Variants in COL21A1 observed in about 807,000 individuals in gnomAD.
The protein encoded by COL21A1 is collagen type XXI alpha 1 chain.
A neutral mutation model predicts 137.9 loss-of-function variants in COL21A1; 149 were observed. The observed-to-expected ratio is 1.08, with a 90% CI of 0.95 to 1.24. The LOEUF (loss-of-function observed/expected upper bound fraction) is 1.24. COL21A1 is among the 50% of genes most tolerant of loss of function. The probability of loss-of-function intolerance (pLI) is 0.00; values close to 1 mark genes in which losing one functional copy is unlikely to be tolerated. For missense variants in COL21A1, 1,167 were observed against 1,158.4 expected, an observed-to-expected ratio of 1.01 and a Z score of -0.11; for synonymous variants, 456 against 391.5, an observed-to-expected ratio of 1.16 and a Z score of -1.95.
chr6:56,293,906 A>T (rs932355266), intron 1 of COL21A1, among the ~76,000 whole-genome samples: 1 of 152,224 alleles, frequency 6.6e-6, no homozygotes, highest in Non-Finnish European at 1.5e-5. Flanking sequence ...TATTGTATTA[A>T]GTTGCAACTG....
rs1309168972 is a variant in COL21A1, at chr6:56,183,116, C to T, written c.-38-460G>A. 2.0e-5 allele frequency among the ~76,000 whole-genome samples: 3 copies of T among 152,034 alleles called. No homozygotes were observed. The East Asian group carries it at 5.8e-4, about 29-fold the overall frequency. On this transcript the variant is annotated intron_variant, in intron 1 of 29. Coordinates refer to ENST00000244728, the MANE Select transcript of COL21A1 (RefSeq NM_030820.4). ...TTTTAAAATAAGATGTAATTGTAAA[C>T]ATTAAGACCTGTTTTATTTAATTCA...
intron 1 of COL21A1, among the ~76,000 whole-genome samples, chr6:56,343,729 C>A (rs1266379091): frequency 6.6e-6 from 1 of 152,056 alleles, no homozygotes; most frequent in Non-Finnish European, 1.5e-5. Flanking sequence ...TCACTTGAGG[C>A]CAGGAGTTGG....
rs771422670 is a variant in COL21A1 at position 56,179,913 on chromosome 6, G to A, written c.305C>T (p.Ala102Val). ...GSYDSGEHLT[A>V]AVESILYLGG... Reference sequence around the variant, plus strand: ...TAAGTAGAGTATGGATTCCACTGCTGCCGTCAAATGTTCTCCTGAATCATA... The same window carrying A: ...TAAGTAGAGTATGGATTCCACTGCTACCGTCAAATGTTCTCCTGAATCATA... The change falls in exon 3 of 30, where the codon GCA (alanine) becomes GTA (valine). Residue 102 changes from alanine to valine, a missense_variant. Transcript: ENST00000244728. 2 of 1,613,846 alleles carry A rather than the reference G, an allele frequency of 1.2e-6. No homozygotes were observed. The highest frequency in any genetic ancestry group is 2.2e-5 in the East Asian group (1 of 44,872).
chr6:56,076,302 T>C (rs12196709), intron 18 of COL21A1, among the ~76,000 whole-genome samples: 22,998 of 151,350 alleles, frequency 0.15, 1,776 homozygotes, highest in Middle Eastern at 0.22. Context: ...ATTTCCTAGT[T>C]AGGCTGACAG....
intron 16 of COL21A1, among the ~76,000 whole-genome samples, chr6:56,105,281 T>C (rs1320586425): frequency 6.6e-6 from 1 of 152,198 alleles, no homozygotes; most frequent in African/African-American, 2.4e-5. Flanking sequence ...ATAGATTTGT[T>C]TTTTAGGAAA....
At chr6:56,122,163 C>T (rs1772604197) in intron 16 of COL21A1, among the ~76,000 whole-genome samples, 1 of 147,910 alleles carries the variant, frequency 6.8e-6, no homozygotes, top group Non-Finnish European at 1.5e-5. Flanking sequence ...CCATATATTA[C>T]ATCTTTCCAT....
rs186556525 is a variant in COL21A1 at position 56,099,037 on chromosome 6, T to A, written c.1812+2435A>T. ...GCCTATGTTTAATATTTCTTTTATC[T>A]TTTTAGGTTTTATGAAGATATTTCA... On this transcript the variant is annotated intron_variant, in intron 17 of 29. Coordinates refer to ENST00000244728, the MANE Select transcript of COL21A1 (RefSeq NM_030820.4). Among the ~76,000 whole-genome samples the A allele has an allele frequency of 2.2e-3, 329 of 150,924 alleles. 4 individuals are homozygous for A. The highest frequency in any genetic ancestry group is 7.7e-3 in the African/African-American group (318 of 41,096).
chr6:56,199,652 T>C (rs1309118273), intron 1 of COL21A1, among the ~76,000 whole-genome samples: 1 of 152,148 alleles, frequency 6.6e-6, no homozygotes, highest in African/African-American at 2.4e-5. Flanking sequence ...TTGAGAAAAC[T>C]TTGGTTTATT....
At chr6:56,194,724 T>G (rs1778912404) in intron 1 of COL21A1, among the ~76,000 whole-genome samples, 3 of 152,186 alleles carry the variant, frequency 2.0e-5, no homozygotes. Context: ...TCTCAAATGT[T>G]AAGGTGTATA....
rs375936410 is a variant in COL21A1 at position 56,060,041 on chromosome 6, C to A, written c.2585G>T (p.Arg862Leu). ...ACCTTTTAATCCTCTGACACCTGGA[C>A]GTCCAGGGACACCCACTAATCCAGG... Reference protein sequence around the residue: ...GVPGLVGVPGRPGVRGLKGLP... With the variant: ...GVPGLVGVPGLPGVRGLKGLP... Residue 862 changes from arginine (R) to leucine (L), a missense_variant, in exon 28 of 30, where the codon CGT becomes CTT. Coordinates refer to ENST00000244728, the MANE Select transcript of COL21A1 (RefSeq NM_030820.4). The A allele has an allele frequency of 3.1e-6, 5 of 1,602,984 alleles. No individual in the cohort carries two copies. Among genetic ancestry groups the A allele is most frequent in the Non-Finnish European group, 8.5e-7 (1 of 1,176,318 alleles).
In COL21A1 at chr6:56,313,780, T is replaced by G. The variant is rs183137926; in HGVS notation, c.-39+80191A>C. Among the ~76,000 whole-genome samples the G allele has an allele frequency of 1.1e-3, 162 of 152,204 alleles. 1 individual carries two copies. The highest frequency in any genetic ancestry group is 2.1e-3 in the Non-Finnish European group (144 of 67,996). ...CATTAGGAAAACACAATTCAGTCCA[T>G]AGCATAGCCATTTAGATCCTTGATA... On this transcript the variant is annotated intron_variant, in intron 1 of 28. Transcript: ENST00000370819.
intron 1 of COL21A1, among the ~76,000 whole-genome samples, chr6:56,370,145 C>A (rs1318194466): frequency 6.6e-6 from 1 of 152,034 alleles, no homozygotes; most frequent in Non-Finnish European, 1.5e-5. Flanking sequence ...ATCAAAAAAA[C>A]AGAAAAGGTC....
chr6:56,149,466 T>G (rs1454660736), intron 10 of COL21A1, among the ~76,000 whole-genome samples: 1 of 152,068 alleles, frequency 6.6e-6, no homozygotes, highest in Non-Finnish European at 1.5e-5. Context: ...ATACCCTCAC[T>G]CCTATAGAAA....
chr6:56,201,303 G>A (rs971518357), intron 1 of COL21A1, among the ~76,000 whole-genome samples: 2 of 152,098 alleles, frequency 1.3e-5, no homozygotes, highest in African/African-American at 2.4e-5. Context: ...AAGCTCTTTA[G>A]TTTAATTAGA....
At chr6:56,126,189 T>C (rs937975340) in intron 12 of COL21A1, 40 bp from the exon 13 acceptor site, 3 of 1,346,106 alleles carry the variant, frequency 2.2e-6, no homozygotes, top group East Asian at 2.5e-5. Context: ...GAAAAACCAT[T>C]CCAGCCTAAA....
chr6:56,121,579 T>C (rs1034441804), intron 16 of COL21A1, among the ~76,000 whole-genome samples: 2 of 146,926 alleles, frequency 1.4e-5, no homozygotes, highest in African/African-American at 2.5e-5. Flanking sequence ...TATATGTATA[T>C]GTATATATAT....
At chr6:56,260,395 G>A (rs887226653) in intron 1 of COL21A1, among the ~76,000 whole-genome samples, 4 of 151,508 alleles carry the variant, frequency 2.6e-5, no homozygotes, top group Non-Finnish European at 4.4e-5. Context: ...CCAGCCTGGC[G>A]AAACCCTGCC....
intron 3 of COL21A1, among the ~76,000 whole-genome samples, chr6:56,178,671 C>T (rs1777670623): frequency 6.6e-6 from 1 of 151,976 alleles, no homozygotes; most frequent in Admixed American, 6.6e-5. Context: ...TTACTCTCCC[C>T]TAAAATAATC....
intron 1 of COL21A1, among the ~76,000 whole-genome samples, chr6:56,222,610 A>G (rs1248319080): frequency 6.6e-6 from 1 of 152,190 alleles, no homozygotes; most frequent in East Asian, 1.9e-4. Flanking sequence ...CAAATCATTC[A>G]TTTAAATCAG....
Sources: gnomAD v4.1 joint callset for allele counts (sites outside exome capture counted in the v4.1 genomes callset) on GRCh38, gnomAD v4.1.1 for gene constraint, MANE v1.5 for transcripts, NCBI Gene and HGNC (gene_info 2026-07-23, HGNC 2026-07-21) for gene names.